FPR1: variants seen among roughly 807,000 people sequenced by gnomAD.
FPR1 encodes the protein formyl peptide receptor 1.
For missense variants in FPR1, 407 were observed against 453.0 expected (o/e 0.90, Z 0.92); for synonymous variants, 193 against 176.7 (o/e 1.09, Z -0.73).
chr19:51,749,493 C>T (rs2083768275), intron 1 of FPR1, among the ~76,000 whole-genome samples: 1 of 152,136 alleles, frequency 6.6e-6, no homozygotes, highest in South Asian at 2.1e-4. Flanking sequence ...GGAGGTGCTT[C>T]TCCATCCATT....
Position 51,746,257 on chromosome 19 carries a change from G to T in FPR1, c.738C>A (p.Val246=), listed in dbSNP as rs148898220. Residue 246 remains valine (V), a synonymous_variant, in exon 2 of 2, where the codon GTC becomes GTA. Coordinates refer to ENST00000304748, the MANE Select transcript of FPR1 (RefSeq NM_002029.4). The surrounding 1 kb of genome is among the most constrained non-coding windows in gnomAD (Gnocchi z 4.3). ...SSRPLRVLSF[V]AAAFFLCWSP... ...ACCAGCAGAGAAAAAAGGCTGCTGC[G>T]ACAAAGGAGAGGACCCGTAAGGGAC... 3.1e-6 allele frequency: 5 copies of T among 1,614,074 alleles called. No homozygotes were observed. Among genetic ancestry groups the T allele is most frequent in the Non-Finnish European group, 4.2e-6 (5 of 1,180,010 alleles).
At chr19:51,751,423 C>T (rs1477825395) in intron 1 of FPR1, among the ~76,000 whole-genome samples, 1 of 152,128 alleles carries the variant, frequency 6.6e-6, no homozygotes, top group Non-Finnish European at 1.5e-5. Flanking sequence ...CACTCTGTCA[C>T]CTAGGCTGGA....
In FPR1 at chr19:51,746,097, G is replaced by C. The variant is rs768241723; in HGVS notation, c.898C>G (p.Leu300Val). Reference sequence around the variant, plus strand: ...AAGTCCTGGCCCATGAAGACATAGAGCATGGGGTTGAGGCAGCTGTTGAAG... The same window carrying C: ...AAGTCCTGGCCCATGAAGACATAGACCATGGGGTTGAGGCAGCTGTTGAAG... ...AFFNSCLNPM[L>V]YVFMGQDFRE... The change falls in exon 2 of 2, where the codon CTC becomes GTC. Residue 300 changes from leucine to valine, a missense_variant. Coordinates refer to ENST00000304748, the MANE Select transcript of FPR1 (RefSeq NM_002029.4). The surrounding 1 kb of genome is among the most constrained non-coding windows in gnomAD (Gnocchi z 4.3). 4 of 1,614,074 alleles carry C rather than the reference G, an allele frequency of 2.5e-6. No individual in the cohort carries two copies. Among genetic ancestry groups the C allele is most frequent in the Admixed American group, 1.7e-5 (1 of 60,000 alleles).
At chr19:51,745,769 A>C (rs1266401033), downstream of FPR1, 4 of 600,240 alleles carry the variant, frequency 6.7e-6, no homozygotes, top group African/African-American at 1.9e-5. Context: ...AAAGAAGTCA[A>C]TAATAAACTC....
Position 51,746,978 on chromosome 19 carries a change from G to C in FPR1, c.17C>G (p.Ser6Cys). The C allele has an allele frequency of 6.2e-7, 1 of 1,611,588 alleles. No homozygotes were observed. The highest frequency in any genetic ancestry group is 8.5e-7 in the Non-Finnish European group (1 of 1,178,098). ...CCCTCCAGAGATGTTCGTGGGGAGA[G>C]AGGAATTTGTCTCCATCTTGTCTGC... is the stretch of plus-strand genomic sequence containing the variant. METNS[S>C]LPTNISGGTP... Residue 6 changes from serine (S) to cysteine (C), a missense_variant, in exon 2 of 2, where the codon TCT (serine) becomes TGT (cysteine). Ser to Cys is a moderately radical substitution (Grantham distance 112). Transcript: ENST00000304748. The surrounding 1 kb of genome is among the most constrained non-coding windows in gnomAD (Gnocchi z 4.3).
Position 51,751,358 on chromosome 19 carries a change from G to A in FPR1, c.-12+456C>T, listed in dbSNP as rs577667036. 5.0e-4 allele frequency among the ~76,000 whole-genome samples: 76 copies of A among 152,102 alleles called. 3 individuals are homozygous for A. In the South Asian group the frequency reaches 0.015, roughly 30 times the overall value. The stretch of plus-strand genomic sequence containing the variant: ...TCATTCCCATCAGGACCCCAATAAA[G>A]TCTAGAGCCTATTTGTTTATTTATT... On this transcript the variant is annotated intron_variant, in intron 1 of 1. Transcript: ENST00000304748.
In FPR1 at chr19:51,746,304, G is replaced by A; in HGVS notation, c.691C>T (p.Gln231Ter). ...GGACGACTGGACTTAATCAAGCCTTGCTTGTGGATCTTGGTGGCAATAAGC... is the reference window on the plus strand; with the variant it reads ...GGACGACTGGACTTAATCAAGCCTTACTTGTGGATCTTGGTGGCAATAAGC... The part of the protein sequence containing the change: ...YGLIATKIHK[Q>*]GLIKSSRPLR... The change falls in exon 2 of 2, where the codon CAA becomes TAA. Residue 231 changes from glutamine (Q) to a stop codon, truncating the protein, a stop_gained. Transcript: ENST00000304748. LOFTEE classifies it low-confidence loss of function (END_TRUNC). The surrounding 1 kb of genome is among the most constrained non-coding windows in gnomAD (Gnocchi z 4.3). 1 of 1,614,180 alleles carries A rather than the reference G, an allele frequency of 6.2e-7. No homozygotes were observed. The highest frequency in any genetic ancestry group is 2.2e-5 in the East Asian group (1 of 44,876).
In FPR1 at chr19:51,745,951, C is replaced by T. The variant is rs150820622; in HGVS notation, c.1044G>A (p.Gln348=). ...STLPSAEVEL[Q]AK is the part of the protein sequence containing the mutation. Reference sequence around the variant, plus strand: ...TCCCCCAGCTCCCTCCTCACTTTGCCTGTAACTCCACCTCTGCAGAAGGTA... The same window carrying T: ...TCCCCCAGCTCCCTCCTCACTTTGCTTGTAACTCCACCTCTGCAGAAGGTA... Residue 348 remains glutamine, a synonymous_variant, in exon 2 of 2, where the codon CAG becomes CAA. Transcript: ENST00000304748. 8.2e-5 allele frequency: 132 copies of T among 1,608,300 alleles called. No individual in the cohort carries two copies. Among genetic ancestry groups the T allele is most frequent in the Non-Finnish European group, 9.9e-5 (116 of 1,175,138 alleles).
intron 1 of FPR1, among the ~76,000 whole-genome samples, chr19:51,748,523 C>T (rs994775466): frequency 5.3e-5 from 8 of 152,216 alleles, no homozygotes; most frequent in South Asian, 2.1e-4. Flanking sequence ...TGCAGTGGTG[C>T]GATCTTGGCT....
Position 51,746,076 on chromosome 19 carries a change from C to G in FPR1, c.919G>C (p.Asp307His). The G allele has an allele frequency of 6.2e-7, 1 of 1,614,164 alleles. No homozygotes were observed. Among genetic ancestry groups the G allele is most frequent in the South Asian group, 1.1e-5 (1 of 91,084 alleles). ...GCGTGGATCAGCCTCTCCCGGAAGT[C>G]CTGGCCCATGAAGACATAGAGCATG... ...NPMLYVFMGQ[D>H]FRERLIHALP... The change falls in exon 2 of 2, where the codon GAC (aspartate) becomes CAC (histidine). Residue 307 changes from aspartate to histidine, a missense_variant. Asp to His is a moderately conservative substitution (Grantham distance 81, BLOSUM62 -1). Transcript: ENST00000304748. This position sits in a 1 kb window ranked among gnomAD's most constrained non-coding sequence, Gnocchi z 4.3.
intron 1 of FPR1, among the ~76,000 whole-genome samples, chr19:51,751,373 G>A (rs1438982856): frequency 6.6e-6 from 1 of 151,938 alleles, no homozygotes. Context: ...GAGCCTATTT[G>A]TTTATTTATT....
At chr19:51,745,353 A>C (rs908158293), downstream of FPR1, 7 of 152,390 alleles carry the variant, frequency 4.6e-5, no homozygotes, top group African/African-American at 1.7e-4. Context: ...ACAGGGTTTC[A>C]CCATGTTGGC....
rs750789771 is a variant in FPR1 at position 51,745,939 on chromosome 19, T to A, written c.*3A>T. On this transcript the variant is annotated 3_prime_UTR_variant, in exon 2 of 2. Transcript: ENST00000304748. The stretch of plus-strand genomic sequence containing the variant: ...AGCTCGAAAGTGTCCCCCAGCTCCC[T>A]CCTCACTTTGCCTGTAACTCCACCT... 3.1e-6 allele frequency: 5 copies of A among 1,605,516 alleles called. No individual in the cohort carries two copies. In the East Asian group the frequency reaches 9.0e-5, roughly 29 times the overall value.
rs199734809 is a variant in FPR1 at position 51,745,898 on chromosome 19, C to T, written c.*44G>A. 3.8e-5 allele frequency: 58 copies of T among 1,533,868 alleles called. No individual in the cohort carries two copies. The highest frequency in any genetic ancestry group is 1.8e-4 in the African/African-American group (13 of 73,106). ...TGGCTCAGCCTAACTCAAGGTGAGA[C>T]GAAGCTGGAGCTGGGAGCTCGAAAG... On this transcript the variant is annotated 3_prime_UTR_variant, in exon 2 of 2. Coordinates refer to ENST00000304748, the MANE Select transcript of FPR1 (RefSeq NM_002029.4).
downstream of FPR1, chr19:51,745,614 T>A: frequency 4.0e-6 from 1 of 252,016 alleles, no homozygotes; most frequent in Non-Finnish European, 7.8e-6. Flanking sequence ...GATGCCAGAA[T>A]GATGGGTATC....
intron 1 of FPR1, chr19:51,750,313 C>T (rs962693394): frequency 6.6e-6 from 1 of 152,064 alleles, no homozygotes; most frequent in Non-Finnish European, 1.5e-5. Context: ...ATATTGTGAC[C>T]ATCTCATTAA....
intron 1 of FPR1, chr19:51,750,671 G>C (rs2083774930): frequency 6.6e-6 from 1 of 152,188 alleles, no homozygotes; most frequent in Non-Finnish European, 1.5e-5. Flanking sequence ...AGGAAAACCT[G>C]TGCAATTTTG....
Position 51,747,022 on chromosome 19 carries a change from G to C in FPR1, c.-11-17C>G, listed in dbSNP as rs375012899. 2 of 1,546,768 alleles carry C rather than the reference G, an allele frequency of 1.3e-6. No homozygotes were observed. The highest frequency in any genetic ancestry group is 2.7e-5 in the African/African-American group (2 of 73,720). ...TGTCTGCTCCTGAAATAGTGCAGTC[G>C]TGGTCATTCCTCAGTTATGAACCTC... On this transcript the variant is annotated splice_polypyrimidine_tract_variant and intron_variant, in intron 1 of 1. Transcript: ENST00000304748.
At position 51,746,845 on chromosome 19, in the gene FPR1, C is replaced by A; in HGVS notation, c.150G>T (p.Val50=). The A allele has an allele frequency of 1.2e-6, 2 of 1,614,130 alleles. No individual in the cohort carries two copies. The highest frequency in any genetic ancestry group is 1.7e-6 in the Non-Finnish European group (2 of 1,180,034). ...GVLGNGLVIW[V]AGFRMTHTVT... is the part of the protein sequence containing the mutation. ...CTGTGTGTGTCATCCGGAATCCAGC[C>A]ACCCAGATCACAAGCCCGTTGCCCA... Residue 50 remains valine (V), a synonymous_variant, in exon 2 of 2, where the codon GTG becomes GTT. Transcript: ENST00000304748. This position sits in a 1 kb window ranked among gnomAD's most constrained non-coding sequence, Gnocchi z 4.3.
Sources: allele counts gnomAD v4.1 joint callset (sites outside exome capture counted in the v4.1 genomes callset), GRCh38; gene constraint gnomAD v4.1.1; non-coding constraint Gnocchi (gnomAD v3.1); transcripts MANE v1.5; gene names NCBI Gene and HGNC (gene_info 2026-07-23, HGNC 2026-07-21).